Variants in FREM3 observed in about 807,000 individuals in gnomAD.
The protein encoded by FREM3 is FRAS1-related extracellular matrix protein 3.
Under a neutral mutation model 129.1 loss-of-function variants are expected in FREM3, and 105 were observed. The ratio of observed to expected loss-of-function variants is 0.81; its 90% CI spans 0.69 to 0.96. The LOEUF is 0.96. FREM3 is among the 40% of genes least tolerant of loss of function. The pLI, the probability that FREM3 is intolerant of heterozygous loss-of-function variation, is 0.00. For missense variants in FREM3, 2,593 were observed against 2,666.3 expected (o/e 0.97, Z 0.61); for synonymous variants, 1,014 against 1,044.9 (o/e 0.97, Z 0.57).
chr4:143,641,086 C>T (rs753407669), intron 2 of FREM3, among the ~76,000 whole-genome samples: 14 of 152,112 alleles, frequency 9.2e-5, no homozygotes, highest in Non-Finnish European at 1.8e-4. Context: ...CCCTTTTCTT[C>T]CTTATACACA....
In FREM3 at chr4:143,696,160, T is replaced by C. The variant is rs777882986; in HGVS notation, c.4516A>G (p.Lys1506Glu). Reference sequence around the variant, plus strand: ...TGAAATTCGAAGCTGTCCATCTTTTTCTCATCATTTGAAGTATGGACATAG... The same window carrying C: ...TGAAATTCGAAGCTGTCCATCTTTTCCTCATCATTTGAAGTATGGACATAG... ...ISYVHTSNDE[K>E]KMDSFEFQVI... is the part of the protein sequence containing the mutation. Residue 1506 changes from lysine (K) to glutamate (E), a missense_variant, in exon 1 of 8, where the codon AAA becomes GAA. Coordinates refer to ENST00000329798, the MANE Select transcript of FREM3 (RefSeq NM_001168235.2). 2.1e-5 allele frequency: 33 copies of C among 1,537,546 alleles called. No individual in the cohort carries two copies. The highest frequency in any genetic ancestry group is 4.4e-6 in the Non-Finnish European group (5 of 1,147,024).
chr4:143,622,551 C>T (rs1349578977), intron 4 of FREM3, among the ~76,000 whole-genome samples: 1 of 151,978 alleles, frequency 6.6e-6, no homozygotes, highest in Non-Finnish European at 1.5e-5. Flanking sequence ...TATCAACCTC[C>T]AGGAAGACAC....
At chr4:143,686,779 C>G (rs565228646) in intron 2 of FREM3, among the ~76,000 whole-genome samples, 1 of 152,038 alleles carries the variant, frequency 6.6e-6, no homozygotes, top group South Asian at 2.1e-4. Flanking sequence ...TCGAACCGAA[C>G]GACAATAATA....
chr4:143,636,333 CAAAAA>C (rs35792262), intron 2 of FREM3, among the ~76,000 whole-genome samples: 1 of 81,464 alleles, frequency 1.2e-5, no homozygotes, highest in Admixed American at 1.4e-4. Flanking sequence ...GCAGCCTGTC[CAAAAA>C]AAAAAAAAAA....
rs1423883803 is a variant in FREM3 at position 143,604,881 on chromosome 4, T to A, written c.6028+6398A>T. ...ACTTGCTCAGATAAGTATGTAGCAA[T>A]TCAGATTGTTGATTGTTTACACTGA... is the stretch of plus-strand genomic sequence containing the variant. On this transcript the variant is annotated intron_variant, in intron 6 of 7. Coordinates refer to ENST00000329798, the MANE Select transcript of FREM3 (RefSeq NM_001168235.2). Among the ~76,000 whole-genome samples the A allele has an allele frequency of 4.6e-5, 7 of 152,186 alleles. No homozygotes were observed. The East Asian group carries it at 1.4e-3, about 29-fold the overall frequency.
Position 143,620,364 on chromosome 4 carries a change from C to T in FREM3, c.5779+673G>A, listed in dbSNP as rs1025101069. ...AGTGATGGTGGCTGACATACTACAG[C>T]GAGCTCTAAATAGCCTTTTCTTGTT... On this transcript the variant is annotated intron_variant, in intron 5 of 7. Coordinates refer to ENST00000329798, the MANE Select transcript of FREM3 (RefSeq NM_001168235.2). 3.9e-5 allele frequency among the ~76,000 whole-genome samples: 6 copies of T among 152,176 alleles called. No homozygotes were observed. In the East Asian group the frequency reaches 5.8e-4, roughly 15 times the overall value.
At chr4:143,615,771 A>G (rs192339301) in intron 5 of FREM3, among the ~76,000 whole-genome samples, 1 of 152,238 alleles carries the variant, frequency 6.6e-6, no homozygotes. Flanking sequence ...AATAACTAAA[A>G]CAAACCATAA....
intron 2 of FREM3, among the ~76,000 whole-genome samples, chr4:143,658,993 A>G (rs1197383489): frequency 1.3e-5 from 2 of 148,702 alleles, no homozygotes; most frequent in Non-Finnish European, 3.0e-5. Context: ...TCACTTGGCT[A>G]ATGCCTACTC....
chr4:143,598,908 ATACTC>A (rs1738526274), intron 6 of FREM3, among the ~76,000 whole-genome samples: 2 of 152,180 alleles, frequency 1.3e-5, no homozygotes, highest in Non-Finnish European at 2.9e-5. Context: ...TTGTGTAAGT[ATACTC>A]TATGATATTT....
At chr4:143,617,026 G>A (rs924273778) in intron 5 of FREM3, among the ~76,000 whole-genome samples, 1 of 152,118 alleles carries the variant, frequency 6.6e-6, no homozygotes. Flanking sequence ...TTTGGTTTTA[G>A]GTTCTGTGGT....
chr4:143,651,749 C>A (rs1031465867), intron 2 of FREM3, among the ~76,000 whole-genome samples: 3 of 152,106 alleles, frequency 2.0e-5, no homozygotes, highest in African/African-American at 7.2e-5. Context: ...AATGCTTTAA[C>A]CTGTGAGAAA....
intron 2 of FREM3, among the ~76,000 whole-genome samples, chr4:143,671,679 C>A (rs1388019518): frequency 3.3e-5 from 5 of 152,100 alleles, no homozygotes; most frequent in Non-Finnish European, 7.4e-5. Context: ...AAATAGAGAA[C>A]TGAAATAATC....
rs934752849 is a variant in FREM3, at chr4:143,700,323, G to A, written c.353C>T (p.Thr118Ile). 8 of 1,535,018 alleles carry A rather than the reference G, an allele frequency of 5.2e-6. No homozygotes were observed. The Admixed American group carries it at 1.6e-4, about 30-fold the overall frequency. The change falls in exon 1 of 8, where the codon ACC becomes ATC. Residue 118 changes from threonine to isoleucine, a missense_variant. Physicochemically the swap from Thr to Ile is moderately conservative, Grantham distance 89. This residue lies in a region of FREM3 where 2,276 missense variants were observed against 2,267.2 expected (regional missense o/e 1.00). Transcript: ENST00000329798. Reference sequence around the variant, plus strand: ...GTACTGGACTTGGCGGGGCCCGAAGGTGCAGGGGAAGCGGCGCGGGGAGAG... The same window carrying A: ...GTACTGGACTTGGCGGGGCCCGAAGATGCAGGGGAAGCGGCGCGGGGAGAG... ...GALSPRRFPCTFGPRQVQYTH... is the reference protein window; with the variant it reads ...GALSPRRFPCIFGPRQVQYTH...
chr4:143,590,460 T>G (rs964198540), intron 6 of FREM3, among the ~76,000 whole-genome samples: 1 of 152,222 alleles, frequency 6.6e-6, no homozygotes, highest in Non-Finnish European at 1.5e-5. Context: ...ATTGTTGAAT[T>G]TTGTCAAAGG....
chr4:143,656,777 A>G (rs1436976953), intron 2 of FREM3, among the ~76,000 whole-genome samples: 1 of 152,210 alleles, frequency 6.6e-6, no homozygotes, highest in African/African-American at 2.4e-5. Context: ...AAAACCATTC[A>G]ATTGCATACT....
chr4:143,591,005 G>C (rs1262567763), intron 6 of FREM3, among the ~76,000 whole-genome samples: 1 of 152,182 alleles, frequency 6.6e-6, no homozygotes, highest in African/African-American at 2.4e-5. Flanking sequence ...ATTTCTTCTA[G>C]ATTTTCTAGT....
intron 2 of FREM3, among the ~76,000 whole-genome samples, chr4:143,628,408 G>A (rs1338959625): frequency 6.6e-6 from 1 of 152,102 alleles, no homozygotes; most frequent in Non-Finnish European, 1.5e-5. Context: ...TTGTGGCTGT[G>A]TAATGTTTGT....
chr4:143,596,690 T>G (rs966288741), intron 6 of FREM3, among the ~76,000 whole-genome samples: 1 of 152,112 alleles, frequency 6.6e-6, no homozygotes, highest in Admixed American at 6.5e-5. Context: ...ATTCCAGCAC[T>G]TTGGGAGGCC....
At chr4:143,647,342 T>C (rs1739436920) in intron 2 of FREM3, among the ~76,000 whole-genome samples, 1 of 152,214 alleles carries the variant, frequency 6.6e-6, no homozygotes, top group Non-Finnish European at 1.5e-5. Flanking sequence ...AAATCTGTTT[T>C]CTGGGGAGAA....
Sources: gnomAD v4.1 joint callset for allele counts (sites outside exome capture counted in the v4.1 genomes callset) on GRCh38, gnomAD v4.1.1 for gene constraint, gnomAD v4.1.1 regional missense constraint, MANE v1.5 for transcripts, NCBI Gene and HGNC (gene_info 2026-07-23, HGNC 2026-07-21) for gene names.